Variants in CXADR observed in about 807,000 individuals in gnomAD.
The protein encoded by CXADR is coxsackievirus and adenovirus receptor.
CXADR carries 20 observed loss-of-function variants against 40.3 expected under a neutral mutation model. That is an observed-to-expected ratio of 0.50 (90% CI 0.35 to 0.72). CXADR has a LOEUF of 0.72. Among genes scored for constraint, CXADR ranks in the 30% least tolerant of loss-of-function variants. The pLI, the probability that CXADR is intolerant of heterozygous loss-of-function variation, is 0.01. For synonymous variants in CXADR, 150 were observed against 161.3 expected (o/e 0.93, Z 0.53); for missense variants, 332 against 449.1 (o/e 0.74, Z 2.36).
chr21:17,612,856 A>G, the CXADR span: 7 of 151,946 alleles, frequency 4.6e-5, no homozygotes, highest in African/African-American at 1.7e-4. Flanking sequence ...CGGGCGGCCA[A>G]GCGCGCGTTG....
intron 5 of CXADR, 80 bp downstream of exon 5, chr21:17,560,904 A>T (rs1752082792): frequency 6.4e-7 from 1 of 1,565,634 alleles, no homozygotes; most frequent in Non-Finnish European, 8.7e-7. Flanking sequence ...GCAAGTGTGT[A>T]TTAAGGACAA....
chr21:17,611,823 A>G, the CXADR span: 1 of 152,216 alleles, frequency 6.6e-6, no homozygotes, highest in Non-Finnish European at 1.5e-5. Context: ...TCGGCCTCGC[A>G]GGAGTTTATA....
At chr21:17,538,231 A>C (rs979445512) in intron 1 of CXADR, among the ~76,000 whole-genome samples, 21 of 151,864 alleles carry the variant, frequency 1.4e-4, no homozygotes, top group African/African-American at 4.8e-4. Context: ...AGATCTCCTG[A>C]CCTCGTGATC....
In CXADR at chr21:17,559,176, C is replaced by T. The variant is rs113598005; in HGVS notation, c.571+45C>T. 3.0e-3 allele frequency: 4,836 copies of T among 1,598,012 alleles called. 83 individuals are homozygous for T. The African/African-American group carries it at 0.046, about 15-fold the overall frequency. On this transcript the variant is annotated intron_variant, in intron 4 of 6. Coordinates refer to ENST00000284878, the MANE Select transcript of CXADR (RefSeq NM_001338.5). ...TTGTACCACATGCCATTGATTTGGA[C>T]TAAGATCTAGTAGGGGTGTGTGTGT...
chr21:17,513,218 C>A (rs1313732383), intron 1 of CXADR, 46 bp downstream of exon 1: 5 of 1,341,406 alleles, frequency 3.7e-6, no homozygotes, highest in Non-Finnish European at 3.8e-6. Context: ...AGCCCGGGGG[C>A]GCTCGCTGCC....
chr21:17,600,642 G>A, the CXADR span, among the ~76,000 whole-genome samples: 41 of 151,846 alleles, frequency 2.7e-4, no homozygotes, highest in African/African-American at 9.4e-4. Context: ...GTAACATGGT[G>A]AGACCCTGTC....
Position 17,567,051 on chromosome 21 carries a change from G to T in CXADR, c.*1359G>T, listed in dbSNP as rs2061219124. ...ATATCATTTTAGGAGAAGAAAGTGGGTTTATTGTATTTCCCTTAAGATTGT... is the reference window on the plus strand; with the variant it reads ...ATATCATTTTAGGAGAAGAAAGTGGTTTTATTGTATTTCCCTTAAGATTGT... On this transcript the variant is annotated 3_prime_UTR_variant, in exon 7 of 7. Coordinates refer to ENST00000284878, the MANE Select transcript of CXADR (RefSeq NM_001338.5). The T allele has an allele frequency of 1.0e-6, 1 of 983,784 alleles. No individual in the cohort carries two copies. The highest frequency in any genetic ancestry group is 1.1e-4 in the East Asian group (1 of 8,804). 60.9% of individuals were successfully genotyped at this position (983,784 alleles called of 1,614,324 possible). A position where few individuals can be genotyped will look rare whatever the true frequency, so the allele number is the denominator to read the frequency against.
intron 1 of CXADR, among the ~76,000 whole-genome samples, chr21:17,541,348 C>T (rs1261774980): frequency 6.6e-6 from 1 of 151,934 alleles, no homozygotes; most frequent in Non-Finnish European, 1.5e-5. Flanking sequence ...GTCAGGAGAT[C>T]AAGACCATCC....
the CXADR span, among the ~76,000 whole-genome samples, chr21:17,629,991 T>C: frequency 6.6e-6 from 1 of 152,218 alleles, no homozygotes; most frequent in Non-Finnish European, 1.5e-5. Context: ...ATTGCCAGAA[T>C]AACCCAGGAT....
chr21:17,598,913 A>G, the CXADR span: 4 of 986,432 alleles, frequency 4.1e-6, no homozygotes, highest in African/African-American at 4.9e-5. Context: ...TGGACATGCC[A>G]TCAATACAAG....
Position 17,568,047 on chromosome 21 carries a change from AT to A in CXADR, c.*2357del. On this transcript the variant is annotated 3_prime_UTR_variant, in exon 7 of 7. Transcript: ENST00000284878. ...CCAGAGATCAAATATTTGCTCCCGAATTACTACTGGTAATCAAGTAGTTGAA... is the reference window on the plus strand; with the variant it reads ...CCAGAGATCAAATATTTGCTCCCGAATACTACTGGTAATCAAGTAGTTGAA... The A allele has an allele frequency of 1.0e-6, 1 of 984,862 alleles. No homozygotes were observed. Among genetic ancestry groups the A allele is most frequent in the East Asian group, 1.1e-4 (1 of 8,800 alleles). 61.0% of individuals were successfully genotyped at this position (984,862 alleles called of 1,614,324 possible).
At chr21:17,525,808 TATTCTC>T (rs1390256797) in intron 1 of CXADR, among the ~76,000 whole-genome samples, 1 of 152,220 alleles carries the variant, frequency 6.6e-6, no homozygotes, top group East Asian at 1.9e-4. Flanking sequence ...CACATCATAT[TATTCTC>T]ATGTATAGGA....
At chr21:17,588,747 A>G (rs986024434) in intron 7 of CXADR, among the ~76,000 whole-genome samples, 1 of 152,138 alleles carries the variant, frequency 6.6e-6, no homozygotes, top group African/African-American at 2.4e-5. Context: ...CTCTCTGCTC[A>G]TTGTTTTACT....
the CXADR span, among the ~76,000 whole-genome samples, chr21:17,622,325 A>G: frequency 6.6e-6 from 1 of 152,110 alleles, no homozygotes; most frequent in East Asian, 1.9e-4. Flanking sequence ...TAGTTAGTAT[A>G]TTAATAATGT....
the CXADR span, chr21:17,612,818 C>G: frequency 6.6e-6 from 1 of 152,220 alleles, no homozygotes; most frequent in African/African-American, 2.4e-5. Flanking sequence ...CAGCGAGCCT[C>G]GTCCGGCGCG....
At chr21:17,616,426 G>C in the CXADR span, among the ~76,000 whole-genome samples, 147,630 of 147,638 alleles carry the variant, frequency 1, 73,811 homozygotes, top group Middle Eastern at 1. Context: ...AGCTCCGCCT[G>C]CCAGGTTCAC....
chr21:17,536,779 C>T (rs1018073419), intron 1 of CXADR, among the ~76,000 whole-genome samples: 43 of 152,194 alleles, frequency 2.8e-4, no homozygotes, highest in African/African-American at 1.0e-3. Flanking sequence ...CTTTTTGAGA[C>T]AGTGTCTCAC....
chr21:17,588,819 C>T (rs1384704985), intron 7 of CXADR, among the ~76,000 whole-genome samples: 1 of 151,982 alleles, frequency 6.6e-6, no homozygotes, highest in Admixed American at 6.6e-5. Flanking sequence ...ATCAGGCTTT[C>T]TAGTTACATA....
intron 6 of CXADR, among the ~76,000 whole-genome samples, chr21:17,561,828 T>C (rs1004282265): frequency 6.6e-6 from 1 of 152,210 alleles, no homozygotes; most frequent in African/African-American, 2.4e-5. Context: ...TCAAGTAATC[T>C]GGAAGTTTGT....
Sources: allele counts gnomAD v4.1 joint callset (sites outside exome capture counted in the v4.1 genomes callset), GRCh38; gene constraint gnomAD v4.1.1; transcripts MANE v1.5; gene names NCBI Gene and HGNC (gene_info 2026-07-23, HGNC 2026-07-21).